The following NXPH1 variants were observed in gnomAD, a reference collection of about 807,000 sequenced individuals.
NXPH1 encodes neurexophilin-1.
In NXPH1, 5 loss-of-function variants were observed where a neutral mutation model predicts 23.7. That is an observed-to-expected ratio of 0.21 (90% confidence interval 0.11 to 0.44). NXPH1 has a LOEUF of 0.44. Among genes scored for constraint, NXPH1 ranks in the 20% least tolerant of loss-of-function variants. The pLI, the probability that NXPH1 is intolerant of heterozygous loss-of-function variation, is 0.99. For missense variants in NXPH1, 324 were observed against 321.6 expected, an observed-to-expected ratio of 1.01 and a Z score of -0.06; for synonymous variants, 144 against 122.2, an observed-to-expected ratio of 1.18 and a Z score of -1.18.
chr7:8,720,768 G>GCTTC (rs1184024748), intron 2 of NXPH1, among the ~76,000 whole-genome samples: 1 of 152,152 alleles, frequency 6.6e-6, no homozygotes, highest in Non-Finnish European at 1.5e-5. Context: ...TAAAAACATT[G>GCTTC]CTTCCTATAT....
intron 2 of NXPH1, among the ~76,000 whole-genome samples, chr7:8,638,005 TAA>T (rs1202887475): frequency 6.6e-6 from 1 of 151,956 alleles, no homozygotes; most frequent in Non-Finnish European, 1.5e-5. Flanking sequence ...CCTCCAAAAA[TAA>T]AAAGTCAGCT....
chr7:8,517,035 G>C (rs1817697485), intron 2 of NXPH1, among the ~76,000 whole-genome samples: 1 of 152,076 alleles, frequency 6.6e-6, no homozygotes, highest in Non-Finnish European at 1.5e-5. Context: ...ATTAATCAAT[G>C]GATTGATCCA....
chr7:8,537,130 T>C lies in NXPH1; in HGVS notation c.54+101363T>C, dbSNP rs115308709. Among the ~76,000 whole-genome samples, 1,439 of 152,120 alleles carry C rather than the reference T, an allele frequency of 9.5e-3. 20 individuals carry two copies. Among genetic ancestry groups the C allele is most frequent in the African/African-American group, 0.032 (1,347 of 41,548 alleles). The stretch of plus-strand genomic sequence containing the variant: ...TAGCATGCTTTTGTATTCCCTCTTG[T>C]ACTCCTTATTTCTGGAGTCTCTCAA... On this transcript the variant is annotated intron_variant, in intron 2 of 2. Transcript: ENST00000405863.
At chr7:8,489,196 C>T (rs578235284) in intron 2 of NXPH1, among the ~76,000 whole-genome samples, 15 of 152,162 alleles carry the variant, frequency 9.9e-5, no homozygotes, top group South Asian at 2.1e-4. Flanking sequence ...GGGGAAGATT[C>T]GGCCTATCTA....
chr7:8,474,246 G>GT (rs534740732), intron 2 of NXPH1, among the ~76,000 whole-genome samples: 18 of 151,914 alleles, frequency 1.2e-4, no homozygotes, highest in East Asian at 3.9e-4. Context: ...CATATTTTGT[G>GT]TTTTTTTTCT....
intron 2 of NXPH1, among the ~76,000 whole-genome samples, chr7:8,461,253 TTCC>T (rs1816689447): frequency 1.3e-5 from 2 of 152,294 alleles, no homozygotes; most frequent in East Asian, 3.9e-4. Context: ...TAGGAAGAGA[TTCC>T]AGTTGGCACA....
chr7:8,716,434 A>G (rs1026144685), intron 2 of NXPH1, among the ~76,000 whole-genome samples: 3 of 152,256 alleles, frequency 2.0e-5, no homozygotes, highest in Non-Finnish European at 2.9e-5. Flanking sequence ...ATGAGATTAT[A>G]AAATGTCAGT....
At chr7:8,614,253 C>T (rs958427039) in intron 2 of NXPH1, among the ~76,000 whole-genome samples, 2 of 151,798 alleles carry the variant, frequency 1.3e-5, no homozygotes, top group African/African-American at 4.8e-5. Context: ...GTAGTTAAAA[C>T]TGTTTTCTTA....
intron 2 of NXPH1, among the ~76,000 whole-genome samples, chr7:8,578,098 C>G (rs1818789426): frequency 6.6e-6 from 1 of 152,168 alleles, no homozygotes; most frequent in African/African-American, 2.4e-5. Flanking sequence ...TTTTAAGCCA[C>G]TAACTTTTGG....
intron 2 of NXPH1, among the ~76,000 whole-genome samples, chr7:8,533,731 A>T (rs1817986466): frequency 1.3e-5 from 2 of 152,128 alleles, no homozygotes; most frequent in Admixed American, 1.3e-4. Flanking sequence ...TACAAATAGG[A>T]CCCAGTGGCA....
At chr7:8,583,494 T>G (rs1818922542) in intron 2 of NXPH1, among the ~76,000 whole-genome samples, 1 of 152,214 alleles carries the variant, frequency 6.6e-6, no homozygotes, top group Admixed American at 6.5e-5. Flanking sequence ...TTGTAAGCAT[T>G]CAATGCATGT....
intron 2 of NXPH1, among the ~76,000 whole-genome samples, chr7:8,544,056 C>T (rs1313273101): frequency 6.6e-6 from 1 of 151,552 alleles, no homozygotes; most frequent in East Asian, 1.9e-4. Context: ...CTCCAGGCTC[C>T]CAAGCCTAGT....
At chr7:8,457,784 T>C (rs1771180694) in intron 2 of NXPH1, among the ~76,000 whole-genome samples, 1 of 152,184 alleles carries the variant, frequency 6.6e-6, no homozygotes, top group African/African-American at 2.4e-5. Flanking sequence ...TATGTGTGTA[T>C]ATTGATGTGT....
intron 2 of NXPH1, among the ~76,000 whole-genome samples, chr7:8,445,755 T>C (rs1816394091): frequency 6.6e-6 from 1 of 152,238 alleles, no homozygotes; most frequent in Non-Finnish European, 1.5e-5. Context: ...AAAATAATTG[T>C]GGAGAATTCT....
intron 2 of NXPH1, among the ~76,000 whole-genome samples, chr7:8,616,771 A>T (rs946556902): frequency 6.6e-6 from 1 of 151,998 alleles, no homozygotes; most frequent in African/African-American, 2.4e-5. Flanking sequence ...TACAGTTATA[A>T]AGATTTTCCC....
intron 2 of NXPH1, among the ~76,000 whole-genome samples, chr7:8,485,404 C>G (rs917274040): frequency 6.6e-6 from 1 of 152,084 alleles, no homozygotes; most frequent in Non-Finnish European, 1.5e-5. Context: ...ATACACCAAG[C>G]CGAAAACTGA....
At chr7:8,594,952 G>C (rs980451386) in intron 2 of NXPH1, among the ~76,000 whole-genome samples, 1 of 152,034 alleles carries the variant, frequency 6.6e-6, no homozygotes, top group Non-Finnish European at 1.5e-5. Context: ...GACACCAAAA[G>C]GTGAGCAAAC....
intron 2 of NXPH1, among the ~76,000 whole-genome samples, chr7:8,618,642 G>T (rs1819797526): frequency 6.6e-6 from 1 of 151,774 alleles, no homozygotes; most frequent in Admixed American, 6.6e-5. Context: ...GAGAAGAGGT[G>T]GAAAAAAGGA....
At chr7:8,654,945 G>A (rs1820549838) in intron 2 of NXPH1, among the ~76,000 whole-genome samples, 1 of 152,124 alleles carries the variant, frequency 6.6e-6, no homozygotes, top group South Asian at 2.1e-4. Context: ...GCAAAGGTGT[G>A]TGTATATGGA....
Sources: gnomAD v4.1 joint callset for allele counts (sites outside exome capture counted in the v4.1 genomes callset) on GRCh38, gnomAD v4.1.1 for gene constraint, MANE v1.5 for transcripts, NCBI Gene and HGNC (gene_info 2026-07-23, HGNC 2026-07-21) for gene names.